The following MAST2 variants were observed in gnomAD, a reference collection of about 807,000 sequenced individuals.
MAST2 encodes the protein microtubule associated serine/threonine kinase 2.
Under a neutral mutation model 147.4 loss-of-function variants are expected in MAST2, and 70 were observed. The observed-to-expected ratio is 0.47, with a 90% CI of 0.39 to 0.58. MAST2 has a LOEUF of 0.58. Ranked by LOEUF, MAST2 falls within the 20% of genes least tolerant of loss-of-function variation. MAST2 has a pLI of 0.00. For missense variants in MAST2, 2,080 were observed against 2,302.3 expected, an observed-to-expected ratio of 0.90 and a Z score of 1.98; for synonymous variants, 869 against 896.8, an observed-to-expected ratio of 0.97 and a Z score of 0.55.
rs1646880230 is a variant in MAST2 at position 46,035,771 on chromosome 1, A to G, written c.5102A>G (p.Glu1701Gly). The change falls in exon 29 of 29, where the codon GAG (glutamate) becomes GGG (glycine). Residue 1701 changes from glutamate (E) to glycine (G), a missense_variant. Glu to Gly is a moderately conservative substitution (Grantham distance 98, BLOSUM62 -2). This residue lies in a region of MAST2 where 1,278 missense variants were observed against 1,304.2 expected (regional missense o/e 0.98). Transcript: ENST00000361297. The surrounding 1 kb of genome is among the most constrained non-coding windows in gnomAD (Gnocchi z 5.5). Reference protein sequence around the residue: ...PAQPKNLSPREQGKTQPPSAP... With the variant: ...PAQPKNLSPRGQGKTQPPSAP... ...CAGCCTAAGAACCTGTCTCCCAGGGAGCAGGGGAAGACACAGCCACCTAGT... is the reference window on the plus strand; with the variant it reads ...CAGCCTAAGAACCTGTCTCCCAGGGGGCAGGGGAAGACACAGCCACCTAGT... 6.2e-7 allele frequency: 1 copy of G among 1,614,038 alleles called. No individual in the cohort carries two copies. The highest frequency in any genetic ancestry group is 2.2e-5 in the East Asian group (1 of 44,862).
intron 10 of MAST2, among the ~76,000 whole-genome samples, chr1:46,011,968 C>T (rs1342036692): frequency 1.3e-5 from 2 of 152,186 alleles, no homozygotes; most frequent in Non-Finnish European, 2.9e-5. Flanking sequence ...GTCCAGTGGG[C>T]AGAAGTTACA....
chr1:45,861,489 T>C (rs1443102348), intron 3 of MAST2, among the ~76,000 whole-genome samples: 1 of 152,078 alleles, frequency 6.6e-6, no homozygotes, highest in Non-Finnish European at 1.5e-5. Context: ...ATGGAGAAAA[T>C]AGCTATAATG....
chr1:45,863,548 A>G (rs1646048987), intron 3 of MAST2, among the ~76,000 whole-genome samples: 1 of 152,220 alleles, frequency 6.6e-6, no homozygotes. Flanking sequence ...TGCTATTTTC[A>G]GCAGTGTGGC....
At chr1:45,933,480 C>CT (rs1176453830) in intron 4 of MAST2, among the ~76,000 whole-genome samples, 1 of 151,446 alleles carries the variant, frequency 6.6e-6, no homozygotes, top group East Asian at 1.9e-4. Flanking sequence ...TGGCTCACGC[C>CT]TTTAATCCTA....
chr1:45,851,644 T>C (rs1163247108), intron 3 of MAST2, among the ~76,000 whole-genome samples: 1 of 152,188 alleles, frequency 6.6e-6, no homozygotes, highest in East Asian at 1.9e-4. Flanking sequence ...GTTCCTTGGA[T>C]GCCTAGTTTG....
rs1375262950 is a variant in MAST2, at chr1:45,895,619, AT to A, written c.500+13227del. On this transcript the variant is annotated intron_variant, in intron 4 of 28. Transcript: ENST00000361297. ...TGACTCACAGGTTAATTCTTTGGAC[AT>A]TTGGTGGAAGACTTCCAAAACTGTT... 2.0e-5 allele frequency among the ~76,000 whole-genome samples: 3 copies of A among 152,358 alleles called. No homozygotes were observed. The East Asian group carries it at 5.8e-4, about 29-fold the overall frequency.
chr1:45,814,532 T>C (rs1644396044), intron 1 of MAST2, among the ~76,000 whole-genome samples: 1 of 152,186 alleles, frequency 6.6e-6, no homozygotes, highest in Non-Finnish European at 1.5e-5. Context: ...AAATATTTTG[T>C]ATAATGTAAA....
chr1:45,929,632 A>G (rs1654961214), intron 4 of MAST2, among the ~76,000 whole-genome samples: 1 of 152,318 alleles, frequency 6.6e-6, no homozygotes, highest in South Asian at 2.1e-4. Flanking sequence ...TGATGGCCTC[A>G]TTTTGGTAGA....
At position 45,909,120 on chromosome 1, in the gene MAST2, CATTT is replaced by C. The variant is rs148933949; in HGVS notation, c.500+26730_500+26733del. On this transcript the variant is annotated intron_variant, in intron 4 of 28. Transcript: ENST00000361297. ...ATCAAATGTAAAGCTATAAAATTCT[CATTT>C]ATTTCTACTTTCTTGTTTTCTTCTT... 2.3e-4 allele frequency among the ~76,000 whole-genome samples: 35 copies of C among 152,212 alleles called. No homozygotes were observed. The East Asian group carries it at 6.8e-3, about 29-fold the overall frequency.
chr1:46,030,310 C>T (rs1262888699), intron 21 of MAST2, 72 bp downstream of exon 21: 6 of 1,444,418 alleles, frequency 4.2e-6, no homozygotes, highest in South Asian at 1.2e-5. Flanking sequence ...TCAAAGGGCA[C>T]ACCTGGGGCA....
At chr1:45,962,341 G>A (rs1054971682) in intron 5 of MAST2, among the ~76,000 whole-genome samples, 1 of 151,692 alleles carries the variant, frequency 6.6e-6, no homozygotes, top group South Asian at 2.1e-4. Context: ...CTGAGGAATC[G>A]CCACACTGAC....
At chr1:45,936,378 A>G (rs994822822) in intron 4 of MAST2, among the ~76,000 whole-genome samples, 1 of 152,112 alleles carries the variant, frequency 6.6e-6, no homozygotes, top group Admixed American at 6.5e-5. Flanking sequence ...CTCTTGCCTA[A>G]TTGCTCTGGC....
chr1:45,866,581 C>T (rs1266771192), intron 3 of MAST2, among the ~76,000 whole-genome samples: 1 of 152,128 alleles, frequency 6.6e-6, no homozygotes, highest in Admixed American at 6.5e-5. Flanking sequence ...CTCCCTGATG[C>T]CTGAGTCAGT....
At chr1:46,003,422 A>T (rs1311926465) in intron 7 of MAST2, among the ~76,000 whole-genome samples, 1 of 152,194 alleles carries the variant, frequency 6.6e-6, no homozygotes, top group African/African-American at 2.4e-5. Flanking sequence ...CTAAAACACA[A>T]GAGCTGTACT....
intron 4 of MAST2, among the ~76,000 whole-genome samples, chr1:45,942,568 G>A (rs1379361186): frequency 1.3e-5 from 2 of 152,166 alleles, no homozygotes; most frequent in African/African-American, 4.8e-5. Flanking sequence ...TTGTTATATA[G>A]GTAAATTGCA....
chr1:45,893,382 T>A (rs1178821331), intron 4 of MAST2, among the ~76,000 whole-genome samples: 1 of 151,898 alleles, frequency 6.6e-6, no homozygotes, highest in Non-Finnish European at 1.5e-5. Context: ...TTTCATTTAA[T>A]TTATTTTTTA....
chr1:45,874,101 G>A (rs1219277984), intron 3 of MAST2, among the ~76,000 whole-genome samples: 6 of 152,228 alleles, frequency 3.9e-5, no homozygotes, highest in Admixed American at 3.9e-4. Context: ...GATTACAGGT[G>A]TGAGCCACTG....
intron 1 of MAST2, 72 bp downstream of exon 1, chr1:45,804,144 A>C: frequency 3.3e-6 from 4 of 1,225,870 alleles, no homozygotes; most frequent in South Asian, 3.3e-5. Flanking sequence ...CGGCGGGAGG[A>C]CCCGGGCTGG....
chr1:45,963,852 G>A (rs1250360700), intron 5 of MAST2, among the ~76,000 whole-genome samples: 1 of 152,286 alleles, frequency 6.6e-6, no homozygotes, highest in African/African-American at 2.4e-5. Context: ...TTTTCAAAGG[G>A]AATGCTTCCA....
Sources: allele counts gnomAD v4.1 joint callset (sites outside exome capture counted in the v4.1 genomes callset), GRCh38; gene constraint gnomAD v4.1.1; regional missense constraint gnomAD v4.1.1; non-coding constraint Gnocchi (gnomAD v3.1); transcripts MANE v1.5; gene names NCBI Gene and HGNC (gene_info 2026-07-23, HGNC 2026-07-21).